SORCS2: variants seen among roughly 807,000 people sequenced by gnomAD.
SORCS2 encodes sortilin related VPS10 domain containing receptor 2, also known as VPS10 domain-containing receptor SorCS2.
A neutral mutation model predicts 141.6 loss-of-function variants in SORCS2; 100 were observed. The ratio of observed to expected loss-of-function variants is 0.71; its 90% confidence interval spans 0.60 to 0.83. SORCS2 has a LOEUF of 0.83. Among genes scored for constraint, SORCS2 ranks in the 40% least tolerant of loss-of-function variants. The pLI is 0.00. For synonymous variants in SORCS2, 789 were observed against 676.9 expected (o/e 1.17, Z -2.57); for missense variants, 1,646 against 1,560.2 (o/e 1.05, Z -0.93).
At chr4:7,588,443 G>GT (rs1716688393) in intron 3 of SORCS2, among the ~76,000 whole-genome samples, 1 of 152,204 alleles carries the variant, frequency 6.6e-6, no homozygotes, top group African/African-American at 2.4e-5. Context: ...CCAAGGCCAC[G>GT]TTGGAGGAGG....
intron 1 of SORCS2, among the ~76,000 whole-genome samples, chr4:7,202,150 G>C (rs1459084021): frequency 1.3e-5 from 2 of 152,150 alleles, no homozygotes; most frequent in Non-Finnish European, 2.9e-5. Flanking sequence ...GCTCTGCAAG[G>C]CTGTAAAACA....
At chr4:7,425,730 G>A (rs1400357024) in intron 2 of SORCS2, among the ~76,000 whole-genome samples, 3 of 152,206 alleles carry the variant, frequency 2.0e-5, no homozygotes, top group Non-Finnish European at 2.9e-5. Context: ...GCAGTGGACC[G>A]AGCTGTCAGC....
chr4:7,346,570 G>A (rs1560208771), intron 1 of SORCS2, among the ~76,000 whole-genome samples: 1 of 152,206 alleles, frequency 6.6e-6, no homozygotes, highest in Non-Finnish European at 1.5e-5. Flanking sequence ...TGATAATGTT[G>A]CTCAAGTCAA....
rs916450136 is a variant in SORCS2 at position 7,697,181 on chromosome 4, C to G, written c.1592-17C>G. ...GACGATCCTAAGGGTAGTACTGCCC[C>G]TTTTCTTTTGGACCAGGTAACCTGG... On this transcript the variant is annotated splice_polypyrimidine_tract_variant and intron_variant, in intron 11 of 26. Coordinates refer to ENST00000507866, the MANE Select transcript of SORCS2 (RefSeq NM_020777.3). 2 of 1,566,804 alleles carry G rather than the reference C, an allele frequency of 1.3e-6. No homozygotes were observed. Among genetic ancestry groups the G allele is most frequent in the African/African-American group, 1.4e-5 (1 of 73,826 alleles).
rs149725090 is a variant in SORCS2, at chr4:7,682,067, T to C, written c.1342-676T>C. 7.9e-5 allele frequency among the ~76,000 whole-genome samples: 12 copies of C among 152,340 alleles called. No individual in the cohort carries two copies. In the East Asian group the frequency reaches 1.7e-3, roughly 22 times the overall value. ...GGGAGCAAACCACTCGGTTGAACTA[T>C]GTGAAGTTGCTGATAGTTGCACGTT... On this transcript the variant is annotated intron_variant, in intron 9 of 26. Coordinates refer to ENST00000507866, the MANE Select transcript of SORCS2 (RefSeq NM_020777.3).
At chr4:7,467,115 C>A (rs910352387) in intron 2 of SORCS2, among the ~76,000 whole-genome samples, 11 of 152,120 alleles carry the variant, frequency 7.2e-5, no homozygotes. Context: ...GCCTGGCGTC[C>A]CCCCAGGCGT....
chr4:7,447,731 C>G (rs1728089760), intron 2 of SORCS2, among the ~76,000 whole-genome samples: 1 of 152,150 alleles, frequency 6.6e-6, no homozygotes, highest in Non-Finnish European at 1.5e-5. Flanking sequence ...GGCTGCTGCT[C>G]TTGGAAGACG....
chr4:7,539,490 GTCTC>G (rs1712392723), intron 3 of SORCS2, among the ~76,000 whole-genome samples: 1 of 152,148 alleles, frequency 6.6e-6, no homozygotes, highest in Admixed American at 6.5e-5. Flanking sequence ...TTGTCTGTGG[GTCTC>G]TCTCCCACCC....
intron 26 of SORCS2, among the ~76,000 whole-genome samples, chr4:7,737,915 C>A (rs1273880620): frequency 1.3e-5 from 2 of 152,238 alleles, no homozygotes; most frequent in African/African-American, 4.8e-5. Flanking sequence ...TAACCCCTCA[C>A]CTGGACCATC....
chr4:7,670,201 T>C (rs1284444730), intron 8 of SORCS2, among the ~76,000 whole-genome samples: 1 of 152,228 alleles, frequency 6.6e-6, no homozygotes, highest in Non-Finnish European at 1.5e-5. Flanking sequence ...TCCTTCTGTG[T>C]TAAAGGGTAT....
chr4:7,512,265 C>T (rs1161042393), intron 2 of SORCS2, among the ~76,000 whole-genome samples: 1 of 151,898 alleles, frequency 6.6e-6, no homozygotes, highest in Non-Finnish European at 1.5e-5. Context: ...CGAAGTCCAG[C>T]CCAGGGCCAG....
chr4:7,263,721 C>T (rs1714522463), intron 1 of SORCS2, among the ~76,000 whole-genome samples: 1 of 152,182 alleles, frequency 6.6e-6, no homozygotes, highest in African/African-American at 2.4e-5. Flanking sequence ...GCTTGGCAGG[C>T]TCCTCCTCCA....
At chr4:7,287,111 G>A (rs1716276861) in intron 1 of SORCS2, among the ~76,000 whole-genome samples, 1 of 152,162 alleles carries the variant, frequency 6.6e-6, no homozygotes, top group Non-Finnish European at 1.5e-5. Context: ...CACTCCCTGA[G>A]GGCAGGATTT....
chr4:7,332,087 C>T lies in SORCS2; in HGVS notation c.481-64201C>T, dbSNP rs570905768. 5.9e-5 allele frequency among the ~76,000 whole-genome samples: 9 copies of T among 152,190 alleles called. No homozygotes were observed. The South Asian group carries it at 1.2e-3, about 21-fold the overall frequency. ...CATGGCTCAGAGGAGAGGGAGAGAA[C>T]GCATGTTTAGTGAGCACCAACTGTG... On this transcript the variant is annotated intron_variant, in intron 1 of 26. Coordinates refer to ENST00000507866, the MANE Select transcript of SORCS2 (RefSeq NM_020777.3).
chr4:7,570,094 A>G (rs1394876502), intron 3 of SORCS2, among the ~76,000 whole-genome samples: 3 of 152,144 alleles, frequency 2.0e-5, no homozygotes, highest in Non-Finnish European at 4.4e-5. Context: ...TCTAAATGCT[A>G]ATTGCTTGGT....
intron 1 of SORCS2, among the ~76,000 whole-genome samples, chr4:7,346,509 C>T (rs1470016380): frequency 1.3e-5 from 2 of 152,136 alleles, no homozygotes; most frequent in East Asian, 1.9e-4. Flanking sequence ...AATCTGTACT[C>T]AACTGTTATT....
chr4:7,547,765 T>G (rs1713374340), intron 3 of SORCS2, among the ~76,000 whole-genome samples: 1 of 152,260 alleles, frequency 6.6e-6, no homozygotes, highest in Non-Finnish European at 1.5e-5. Context: ...TCTGGGGCTC[T>G]GCATCTGTCT....
At chr4:7,639,426 A>G (rs72616137) in intron 4 of SORCS2, among the ~76,000 whole-genome samples, 34 of 50,294 alleles carry the variant, frequency 6.8e-4, no homozygotes, top group East Asian at 0.016. Flanking sequence ...GTGTGTGTGT[A>G]TGCACACTTG....
chr4:7,590,507 G>A (rs1429319358), intron 3 of SORCS2, among the ~76,000 whole-genome samples: 6 of 152,196 alleles, frequency 3.9e-5, no homozygotes, highest in East Asian at 1.9e-4. Flanking sequence ...TTCTCCCCTC[G>A]GGAGCCGGGC....
Sources: gnomAD v4.1 joint callset for allele counts (sites outside exome capture counted in the v4.1 genomes callset) on GRCh38, gnomAD v4.1.1 for gene constraint, MANE v1.5 for transcripts, NCBI Gene and HGNC (gene_info 2026-07-23, HGNC 2026-07-21) for gene names.